The following RORA variants were observed in gnomAD, a reference collection of about 807,000 sequenced individuals.
RORA encodes RAR related orphan receptor A.
A neutral mutation model predicts 69.5 loss-of-function variants in RORA; 7 were observed. The ratio of observed to expected loss-of-function variants is 0.10; its 90% CI spans 0.06 to 0.19. The LOEUF (loss-of-function observed/expected upper bound fraction) is 0.19, where lower values mean the gene tolerates loss of function less well. Among genes scored for constraint, RORA ranks in the 10% least tolerant of loss-of-function variants. The pLI is 1.00. For synonymous variants in RORA, 261 were observed against 240.8 expected, an observed-to-expected ratio of 1.08 and a Z score of -0.78; for missense variants, 457 against 663.0, an observed-to-expected ratio of 0.69 and a Z score of 3.41.
chr15:60,582,824 T>C (rs534515972), intron 2 of RORA, among the ~76,000 whole-genome samples: 1 of 152,334 alleles, frequency 6.6e-6, no homozygotes, highest in South Asian at 2.1e-4. Context: ...TGCAAAATGT[T>C]CACCATCAGT....
chr15:61,109,779 T>C (rs2078986100), intron 1 of RORA, among the ~76,000 whole-genome samples: 1 of 152,216 alleles, frequency 6.6e-6, no homozygotes, highest in Non-Finnish European at 1.5e-5. Flanking sequence ...GCAAGTTATT[T>C]ACCTTCCCAG....
intron 1 of RORA, among the ~76,000 whole-genome samples, chr15:60,929,426 GGTAC>G (rs1358358036): frequency 6.6e-6 from 1 of 152,208 alleles, no homozygotes; most frequent in Non-Finnish European, 1.5e-5. Flanking sequence ...TTAGAGGGAA[GGTAC>G]TTGTGATTCA....
chr15:60,886,257 G>T (rs2073748684), intron 1 of RORA, among the ~76,000 whole-genome samples: 3 of 152,114 alleles, frequency 2.0e-5, no homozygotes, highest in African/African-American at 7.2e-5. Flanking sequence ...GGAGTTCTAA[G>T]AATTGAGATG....
chr15:60,494,014 A>AC lies in RORA; in HGVS notation c.*3440dup, dbSNP rs200015795. ...TCCTTCCTCACCTGACCCTCAGCCCACCCCCATACGCTCACAGATAACTGG... is the reference window on the plus strand; with the variant it reads ...TCCTTCCTCACCTGACCCTCAGCCCACCCCCCATACGCTCACAGATAACTGG... On this transcript the variant is annotated 3_prime_UTR_variant, in exon 11 of 11. Coordinates refer to ENST00000335670, the MANE Select transcript of RORA (RefSeq NM_134261.3). The AC allele has an allele frequency of 0.011, 1,580 of 148,956 alleles. 12 individuals carry two copies. Among genetic ancestry groups the AC allele is most frequent in the Middle Eastern group, 0.017 (5 of 286 alleles). 9.2% of individuals were successfully genotyped at this position (148,956 alleles called of 1,614,324 possible). A position where few individuals can be genotyped will look rare whatever the true frequency, so the allele number is the denominator to read the frequency against.
Position 60,511,758 on chromosome 15 carries a change from C to T in RORA, c.425-137G>A, listed in dbSNP as rs2065706192. 4 of 941,876 alleles carry T rather than the reference C, an allele frequency of 4.2e-6. No individual in the cohort carries two copies. 58.3% of individuals were successfully genotyped at this position (941,876 alleles called of 1,614,324 possible). A position where few individuals can be genotyped will look rare whatever the true frequency, so the allele number is the denominator to read the frequency against. ...CATGACCACAAAATAAGGACATATTCAGAGGTGAAAACAGTTCCAACCCAC... is the reference window on the plus strand; with the variant it reads ...CATGACCACAAAATAAGGACATATTTAGAGGTGAAAACAGTTCCAACCCAC... On this transcript the variant is annotated intron_variant, in intron 4 of 10. Coordinates refer to ENST00000335670, the MANE Select transcript of RORA (RefSeq NM_134261.3). The surrounding 1 kb of genome is among the most constrained non-coding windows in gnomAD (Gnocchi z 6.4).
At chr15:60,827,760 C>T (rs996720644) in intron 1 of RORA, among the ~76,000 whole-genome samples, 8 of 152,282 alleles carry the variant, frequency 5.3e-5, no homozygotes, top group South Asian at 2.1e-4. Flanking sequence ...ATGTTTGCTC[C>T]GCGTGAGCCT....
intron 1 of RORA, among the ~76,000 whole-genome samples, chr15:61,141,088 CTCTT>C (rs2079293537): frequency 6.6e-6 from 1 of 152,072 alleles, no homozygotes; most frequent in Non-Finnish European, 1.5e-5. Flanking sequence ...CAAAAAAATC[CTCTT>C]TATTTTTAAA....
chr15:60,755,040 T>G (rs1214474921), intron 1 of RORA, among the ~76,000 whole-genome samples: 3 of 151,226 alleles, frequency 2.0e-5, no homozygotes, highest in Non-Finnish European at 4.4e-5. Flanking sequence ...GTGTGCAGGT[T>G]TGTTACATAT....
intron 2 of RORA, among the ~76,000 whole-genome samples, chr15:60,620,660 G>C (rs902312845): frequency 3.3e-5 from 5 of 152,230 alleles, no homozygotes; most frequent in African/African-American, 4.8e-5. Flanking sequence ...TCTTCCAGGA[G>C]AAGTGTTTGG....
intron 2 of RORA, among the ~76,000 whole-genome samples, chr15:60,579,565 A>T (rs1283733267): frequency 1.3e-5 from 2 of 152,234 alleles, no homozygotes; most frequent in African/African-American, 4.8e-5. Flanking sequence ...CTAACAAAGA[A>T]AACTAGCTAT....
intron 1 of RORA, among the ~76,000 whole-genome samples, chr15:60,875,693 C>A (rs763962770): frequency 1.3e-5 from 2 of 152,160 alleles, no homozygotes; most frequent in African/African-American, 2.4e-5. Flanking sequence ...GTTGTCTCAC[C>A]AGTATGTCCA....
At chr15:61,110,533 A>T (rs910045744) in intron 1 of RORA, among the ~76,000 whole-genome samples, 13 of 151,950 alleles carry the variant, frequency 8.6e-5, no homozygotes, top group African/African-American at 2.2e-4. Context: ...TATTTTTTTT[A>T]AATGATAACT....
At chr15:61,120,980 T>G (rs2079097846) in intron 1 of RORA, among the ~76,000 whole-genome samples, 1 of 151,756 alleles carries the variant, frequency 6.6e-6, no homozygotes, top group Non-Finnish European at 1.5e-5. Flanking sequence ...CCCCAGTAGC[T>G]GGGATTACAG....
intron 1 of RORA, among the ~76,000 whole-genome samples, chr15:61,161,506 G>A (rs1305153945): frequency 1.3e-5 from 2 of 152,134 alleles, no homozygotes; most frequent in African/African-American, 2.4e-5. Context: ...CTGGGAGAAC[G>A]TAATGAAATA....
chr15:60,892,601 A>C (rs77486621), intron 1 of RORA, among the ~76,000 whole-genome samples: 5 of 152,194 alleles, frequency 3.3e-5, no homozygotes. Context: ...CGAATATACA[A>C]TCAAAATGGA....
At chr15:60,998,190 T>A (rs1315449759) in intron 1 of RORA, among the ~76,000 whole-genome samples, 2 of 152,108 alleles carry the variant, frequency 1.3e-5, no homozygotes, top group East Asian at 3.9e-4. Context: ...CTGAGACAGG[T>A]TCTTGCTATG....
intron 1 of RORA, among the ~76,000 whole-genome samples, chr15:61,188,388 C>T (rs940979884): frequency 1.3e-5 from 2 of 152,140 alleles, no homozygotes; most frequent in Non-Finnish European, 2.9e-5. Context: ...GTTTGACCCA[C>T]CAACGGGGCC....
At chr15:60,966,006 C>CA (rs1306142202) in intron 1 of RORA, among the ~76,000 whole-genome samples, 1 of 152,162 alleles carries the variant, frequency 6.6e-6, no homozygotes, top group Admixed American at 6.5e-5. Context: ...GTTAACATGA[C>CA]AGAGATTTAC....
intron 1 of RORA, among the ~76,000 whole-genome samples, chr15:61,182,030 C>G (rs1302668021): frequency 6.6e-6 from 1 of 152,104 alleles, no homozygotes; most frequent in Non-Finnish European, 1.5e-5. Context: ...TTCAAAATAC[C>G]CTTAATGGAT....
Sources: gnomAD v4.1 joint callset for allele counts (sites outside exome capture counted in the v4.1 genomes callset) on GRCh38, gnomAD v4.1.1 for gene constraint, Gnocchi (gnomAD v3.1) non-coding constraint, MANE v1.5 for transcripts, NCBI Gene and HGNC (gene_info 2026-07-23, HGNC 2026-07-21) for gene names.